TPRG1: variants seen among roughly 807,000 people sequenced by gnomAD.
The protein encoded by TPRG1 is tumor protein p63 regulated 1.
A neutral mutation model predicts 29.3 loss-of-function variants in TPRG1; 29 were observed. That is an observed-to-expected ratio of 0.99 (90% CI 0.74 to 1.35). TPRG1 has a LOEUF of 1.35. Ranked by LOEUF, TPRG1 falls within the 40% of genes most tolerant of loss-of-function variation. The pLI is 0.00. For synonymous variants in TPRG1, 130 were observed against 116.8 expected (o/e 1.11, Z -0.73); for missense variants, 327 against 335.0 (o/e 0.98, Z 0.19).
intron 4 of TPRG1, among the ~76,000 whole-genome samples, chr3:189,307,773 A>G (rs1390293537): frequency 1.3e-5 from 2 of 152,212 alleles, no homozygotes; most frequent in Non-Finnish European, 2.9e-5. Flanking sequence ...GCACTGGGCT[A>G]TAGCTTCCAA....
chr3:189,268,314 A>G (rs1275228679), intron 4 of TPRG1, among the ~76,000 whole-genome samples: 1 of 152,098 alleles, frequency 6.6e-6, no homozygotes, highest in Non-Finnish European at 1.5e-5. Context: ...TGGGTGGCTG[A>G]TGGGGGATTG....
intron 3 of TPRG1, among the ~76,000 whole-genome samples, chr3:189,143,023 G>A (rs1278926969): frequency 6.6e-6 from 1 of 152,216 alleles, no homozygotes; most frequent in East Asian, 1.9e-4. Flanking sequence ...GATTATACAA[G>A]TGATAGTCAT....
At chr3:189,204,949 A>ATGTCTCTCTCTCTCTCT (rs1734092042) in intron 1 of TPRG1, among the ~76,000 whole-genome samples, 1 of 89,140 alleles carries the variant, frequency 1.1e-5, no homozygotes, top group Non-Finnish European at 2.5e-5. Flanking sequence ...TCTCTCTCTC[A>ATGTCTCTCTCTCTCTCT]CACACACACA....
At chr3:189,148,856 G>T (rs1257293126) in intron 4 of TPRG1, among the ~76,000 whole-genome samples, 1 of 152,248 alleles carries the variant, frequency 6.6e-6, no homozygotes, top group Non-Finnish European at 1.5e-5. Context: ...GGTCAAAGCA[G>T]AAGTGGGGAT....
intron 3 of TPRG1, among the ~76,000 whole-genome samples, chr3:189,138,971 G>GA (rs890221637): frequency 3.9e-4 from 60 of 151,990 alleles, no homozygotes; most frequent in African/African-American, 5.8e-4. Context: ...TACTCAGACA[G>GA]AAAAAAAATC....
At chr3:189,018,430 G>C (rs1162287096) in intron 3 of TPRG1, among the ~76,000 whole-genome samples, 1 of 145,176 alleles carries the variant, frequency 6.9e-6, no homozygotes, top group Non-Finnish European at 1.5e-5. Flanking sequence ...AAGGAATCCA[G>C]TTTCAGCTTT....
intron 4 of TPRG1, among the ~76,000 whole-genome samples, chr3:189,087,881 T>C (rs112389071): frequency 0.014 from 2,068 of 151,834 alleles, 44 homozygotes; most frequent in African/African-American, 0.046. Flanking sequence ...TGTTTTGGTA[T>C]TGGTACCATG....
At chr3:189,289,074 G>A (rs900257167) in intron 4 of TPRG1, among the ~76,000 whole-genome samples, 1 of 152,204 alleles carries the variant, frequency 6.6e-6, no homozygotes, top group African/African-American at 2.4e-5. Context: ...CCTTTAGCTT[G>A]TCTGATTGCT....
chr3:189,204,959 A>T (rs533371246), intron 1 of TPRG1, among the ~76,000 whole-genome samples: 114 of 151,504 alleles, frequency 7.5e-4, no homozygotes, highest in African/African-American at 2.6e-3. Context: ...ACACACACAC[A>T]CACACACACA....
At chr3:189,002,506 T>C (rs1264163135) in intron 2 of TPRG1, among the ~76,000 whole-genome samples, 2 of 152,158 alleles carry the variant, frequency 1.3e-5, no homozygotes, top group Non-Finnish European at 2.9e-5. Context: ...AGTCATACTA[T>C]GTAGGAAGGG....
chr3:189,207,227 G>C, intron 1 of TPRG1, 149 bp from the exon 2 acceptor site: 1 of 1,430,584 alleles, frequency 7.0e-7, no homozygotes, highest in South Asian at 1.5e-5. Context: ...TTATGAAGCT[G>C]TATCCACCAA....
chr3:189,312,131 TTC>T (rs1560689096), intron 5 of TPRG1, among the ~76,000 whole-genome samples: 1 of 57,768 alleles, frequency 1.7e-5, no homozygotes, highest in African/African-American at 8.9e-5. Flanking sequence ...CTTTCTTTCT[TTC>T]TTTCTTTCTT....
chr3:189,013,599 G>T (rs1229234124), intron 3 of TPRG1, among the ~76,000 whole-genome samples: 1 of 152,098 alleles, frequency 6.6e-6, no homozygotes, highest in Non-Finnish European at 1.5e-5. Flanking sequence ...TTGATGATTT[G>T]TTTAATATTG....
chr3:189,189,779 GAGTT>G (rs1329196859), intron 1 of TPRG1, among the ~76,000 whole-genome samples: 3 of 152,202 alleles, frequency 2.0e-5, no homozygotes, highest in Non-Finnish European at 4.4e-5. Flanking sequence ...TCCAAATGGA[GAGTT>G]AGTTTTAGCT....
At chr3:189,033,134 A>G (rs1014817194) in intron 4 of TPRG1, among the ~76,000 whole-genome samples, 1 of 152,154 alleles carries the variant, frequency 6.6e-6, no homozygotes, top group African/African-American at 2.4e-5. Context: ...TTGGACCAGA[A>G]CTTATCACAT....
chr3:189,078,059 C>A (rs1041412459), intron 4 of TPRG1, among the ~76,000 whole-genome samples: 1 of 141,490 alleles, frequency 7.1e-6, no homozygotes, highest in Non-Finnish European at 1.5e-5. Flanking sequence ...TTCCTTCCTT[C>A]CTTTCTCTCC....
At chr3:189,108,088 G>A (rs1441022193) in intron 1 of TPRG1, among the ~76,000 whole-genome samples, 1 of 152,144 alleles carries the variant, frequency 6.6e-6, no homozygotes, top group Non-Finnish European at 1.5e-5. Context: ...TATGCCCTCA[G>A]GGATAAACCA....
intron 4 of TPRG1, among the ~76,000 whole-genome samples, chr3:189,271,587 T>C (rs758754612): frequency 6.6e-6 from 1 of 152,232 alleles, no homozygotes; most frequent in Non-Finnish European, 1.5e-5. Flanking sequence ...GCGTAAGTTT[T>C]ACATTGTTTA....
intron 4 of TPRG1, among the ~76,000 whole-genome samples, chr3:189,286,806 GC>G (rs1175026939): frequency 6.6e-6 from 1 of 152,130 alleles, no homozygotes; most frequent in Non-Finnish European, 1.5e-5. Context: ...TGAAATGACA[GC>G]AGGCTTCCTT....
Sources: allele counts gnomAD v4.1 joint callset (sites outside exome capture counted in the v4.1 genomes callset), GRCh38; gene constraint gnomAD v4.1.1; transcripts MANE v1.5; gene names NCBI Gene and HGNC (gene_info 2026-07-23, HGNC 2026-07-21).